Variants in ZHX2 observed in about 807,000 individuals in gnomAD.
ZHX2 encodes the protein zinc fingers and homeoboxes protein 2.
Under a neutral mutation model 21.9 loss-of-function variants are expected in ZHX2, and 6 were observed. That is an observed-to-expected ratio of 0.27 (90% CI 0.15 to 0.54). ZHX2 has a LOEUF of 0.54. Among genes scored for constraint, ZHX2 ranks in the 20% least tolerant of loss-of-function variants. ZHX2 has a pLI of 0.95. For missense variants in ZHX2, 908 were observed against 1,090.7 expected, an observed-to-expected ratio of 0.83 and a Z score of 2.36; for synonymous variants, 434 against 437.1, an observed-to-expected ratio of 0.99 and a Z score of 0.09.
intron 2 of ZHX2, among the ~76,000 whole-genome samples, chr8:122,882,302 A>AAC (rs202018625): frequency 4.0e-5 from 6 of 150,888 alleles, no homozygotes; most frequent in African/African-American, 1.2e-4. Context: ...TTGTTCTTCA[A>AAC]ACACACACAC....
intron 1 of ZHX2, among the ~76,000 whole-genome samples, chr8:122,805,421 C>T (rs1817803090): frequency 6.6e-6 from 1 of 152,094 alleles, no homozygotes; most frequent in Admixed American, 6.6e-5. Flanking sequence ...CTGAGTGACC[C>T]CCCACCCCAG....
intron 2 of ZHX2, among the ~76,000 whole-genome samples, chr8:122,910,033 T>A (rs1367002442): frequency 6.6e-6 from 1 of 151,980 alleles, no homozygotes; most frequent in Non-Finnish European, 1.5e-5. Context: ...CTGTTCTGTC[T>A]ACTCAGACAT....
At chr8:122,901,823 CCA>C (rs1563774445) in intron 2 of ZHX2, among the ~76,000 whole-genome samples, 2 of 152,124 alleles carry the variant, frequency 1.3e-5, no homozygotes, top group Non-Finnish European at 2.9e-5. Flanking sequence ...AAAAATATCT[CCA>C]GACATTGCCA....
chr8:122,800,627 G>A (rs1415157973), intron 1 of ZHX2, among the ~76,000 whole-genome samples: 1 of 152,172 alleles, frequency 6.6e-6, no homozygotes, highest in Non-Finnish European at 1.5e-5. Flanking sequence ...AATTTGTCCT[G>A]GCAACTGATG....
chr8:122,962,110 C>T (rs1813466788), intron 3 of ZHX2, among the ~76,000 whole-genome samples: 1 of 152,170 alleles, frequency 6.6e-6, no homozygotes, highest in Non-Finnish European at 1.5e-5. Flanking sequence ...GCTGACTCAT[C>T]TCATTCTCAC....
chr8:122,834,205 C>T (rs1354765926), intron 1 of ZHX2, among the ~76,000 whole-genome samples: 1 of 152,110 alleles, frequency 6.6e-6, no homozygotes, highest in Non-Finnish European at 1.5e-5. Context: ...TCAGGGTTAC[C>T]CTTGGCTTGG....
In ZHX2 at chr8:122,951,671, C is replaced by A; in HGVS notation, c.161C>A (p.Ser54Tyr). The A allele has an allele frequency of 3.1e-6, 5 of 1,613,998 alleles. No homozygotes were observed. The highest frequency in any genetic ancestry group is 3.4e-6 in the Non-Finnish European group (4 of 1,179,994). The change falls in exon 3 of 4, where the codon TCT becomes TAT. Residue 54 changes from serine to tyrosine, a missense_variant. Ser to Tyr is a moderately radical substitution (Grantham distance 144). Coordinates refer to ENST00000314393, the MANE Select transcript of ZHX2 (RefSeq NM_014943.5). ...AGTTGGGCAGCAGAACTTGAAAACTCTTCCAAAGAAAACGAAGTGATAGAG... is the reference window on the plus strand; with the variant it reads ...AGTTGGGCAGCAGAACTTGAAAACTATTCCAAAGAAAACGAAGTGATAGAG... ...KDSWAAELENSSKENEVIEVK... is the reference protein window; with the variant it reads ...KDSWAAELENYSKENEVIEVK...
intron 2 of ZHX2, among the ~76,000 whole-genome samples, chr8:122,896,137 A>T (rs1466647008): frequency 6.6e-6 from 1 of 152,058 alleles, no homozygotes; most frequent in African/African-American, 2.4e-5. Context: ...AAAGGAACCA[A>T]CAGTCTAGAT....
intron 1 of ZHX2, among the ~76,000 whole-genome samples, chr8:122,805,266 G>A (rs1817800437): frequency 1.3e-5 from 2 of 152,170 alleles, no homozygotes; most frequent in Admixed American, 1.3e-4. Context: ...ACACGCCTCA[G>A]TGCTGTTCCA....
intron 1 of ZHX2, among the ~76,000 whole-genome samples, chr8:122,808,365 G>A (rs559564433): frequency 2.0e-5 from 3 of 152,258 alleles, no homozygotes; most frequent in South Asian, 4.1e-4. Context: ...CTCAGGAAAC[G>A]TACAATCATG....
Position 122,888,407 on chromosome 8 carries a change from G to T in ZHX2, c.-220+24868G>T, listed in dbSNP as rs142717670. Among the ~76,000 whole-genome samples, 11 of 152,160 alleles carry T rather than the reference G, an allele frequency of 7.2e-5. No individual in the cohort carries two copies. In the East Asian group the frequency reaches 1.2e-3, roughly 16 times the overall value. On this transcript the variant is annotated intron_variant, in intron 2 of 3. Coordinates refer to ENST00000314393, the MANE Select transcript of ZHX2 (RefSeq NM_014943.5). ...ACTTCAAACATGTACATTTCTTTCC[G>T]TTAGGAAGATTCAAAATCCTCTCTG...
intron 2 of ZHX2, among the ~76,000 whole-genome samples, chr8:122,881,928 C>G (rs1233630142): frequency 6.6e-6 from 1 of 152,204 alleles, no homozygotes. Context: ...TTTAGTGGCA[C>G]TGTGCACCCA....
chr8:122,807,819 T>G (rs1198728822), intron 1 of ZHX2: 1 of 152,260 alleles, frequency 6.6e-6, no homozygotes, highest in African/African-American at 2.4e-5. Context: ...AGAAGTAATT[T>G]GCTCAAGGCC....
At chr8:122,841,523 A>T in intron 1 of ZHX2, among the ~76,000 whole-genome samples, 1 of 151,326 alleles carries the variant, frequency 6.6e-6, no homozygotes, top group Admixed American at 6.6e-5. Flanking sequence ...TCTTGTACAT[A>T]CAGGGCACTT....
chr8:122,896,240 C>CT (rs1820098479), intron 2 of ZHX2, among the ~76,000 whole-genome samples: 1 of 121,364 alleles, frequency 8.2e-6, no homozygotes, highest in Non-Finnish European at 1.7e-5. Context: ...TTTTTTTTTT[C>CT]TTAAGGGCAT....
rs1813128077 is a variant in ZHX2, at chr8:122,951,977, T to A, written c.467T>A (p.Ile156Asn). The A allele has an allele frequency of 6.2e-7, 1 of 1,613,126 alleles. No homozygotes were observed. The highest frequency in any genetic ancestry group is 8.5e-7 in the Non-Finnish European group (1 of 1,179,916). Reference sequence around the variant, plus strand: ...AATCAAACTGTCTTGGAACAGTCCATCGAAACCACCAACCATGTCGTGTCC... The same window carrying A: ...AATCAAACTGTCTTGGAACAGTCCAACGAAACCACCAACCATGTCGTGTCC... Reference protein sequence around the residue: ...RNNQTVLEQSIETTNHVVSIT... With the variant: ...RNNQTVLEQSNETTNHVVSIT... The change falls in exon 3 of 4, where the codon ATC (isoleucine) becomes AAC (asparagine). Residue 156 changes from isoleucine to asparagine, a missense_variant. Physicochemically the swap from Ile to Asn is moderately radical, Grantham distance 149 (BLOSUM62 -3). Around this residue, in one of 4 missense-constraint regions of ZHX2, gnomAD observed 220 missense variants for 251.4 expected, o/e 0.88. Coordinates refer to ENST00000314393, the MANE Select transcript of ZHX2 (RefSeq NM_014943.5).
chr8:122,876,515 A>T (rs1819576221), intron 2 of ZHX2, among the ~76,000 whole-genome samples: 1 of 152,280 alleles, frequency 6.6e-6, no homozygotes, highest in Non-Finnish European at 1.5e-5. Flanking sequence ...GTTTCCCCTG[A>T]TCCCTGGATG....
At chr8:122,840,431 C>T (rs1432244279) in intron 1 of ZHX2, among the ~76,000 whole-genome samples, 1 of 152,104 alleles carries the variant, frequency 6.6e-6, no homozygotes. Flanking sequence ...TCAATTTGCC[C>T]AACTGCAAAA....
intron 2 of ZHX2, among the ~76,000 whole-genome samples, chr8:122,909,284 T>A (rs1303149050): frequency 6.6e-6 from 1 of 151,834 alleles, no homozygotes. Context: ...ATACAAAAAA[T>A]TAGCCAGGCA....
Sources: gnomAD v4.1 joint callset for allele counts (sites outside exome capture counted in the v4.1 genomes callset) on GRCh38, gnomAD v4.1.1 for gene constraint, gnomAD v4.1.1 regional missense constraint, MANE v1.5 for transcripts, NCBI Gene and HGNC (gene_info 2026-07-23, HGNC 2026-07-21) for gene names.